The following RBFOX1 variants were observed in gnomAD, a reference collection of about 807,000 sequenced individuals.
The protein encoded by RBFOX1 is RNA binding fox-1 homolog 1.
In RBFOX1, 8 loss-of-function variants were observed where a neutral mutation model predicts 57.7. That is an observed-to-expected ratio of 0.14 (90% CI 0.08 to 0.25). The LOEUF (loss-of-function observed/expected upper bound fraction) is 0.25. Ranked by LOEUF, RBFOX1 falls within the 10% of genes least tolerant of loss-of-function variation. The pLI is 1.00. For missense variants in RBFOX1, 611 were observed against 548.5 expected (o/e 1.11, Z -1.14); for synonymous variants, 326 against 222.4 (o/e 1.47, Z -4.15).
At chr16:7,515,712 G>A (rs1567616094) in intron 4 of RBFOX1, among the ~76,000 whole-genome samples, 1 of 152,154 alleles carries the variant, frequency 6.6e-6, no homozygotes, top group Non-Finnish European at 1.5e-5. Context: ...GGGTAAAGCT[G>A]GATTCAACAC....
intron 3 of RBFOX1, among the ~76,000 whole-genome samples, chr16:7,012,611 G>C (rs1037754159): frequency 1.3e-5 from 2 of 152,132 alleles, no homozygotes; most frequent in African/African-American, 4.8e-5. Flanking sequence ...CATTGGAACA[G>C]AATTGTGCTC....
At chr16:6,602,522 A>G (rs924276793) in intron 2 of RBFOX1, among the ~76,000 whole-genome samples, 1 of 152,012 alleles carries the variant, frequency 6.6e-6, no homozygotes, top group South Asian at 2.1e-4. Context: ...GACCTCCAAG[A>G]GGTCTTGATG....
intron 2 of RBFOX1, among the ~76,000 whole-genome samples, chr16:5,516,798 C>G (rs1318573927): frequency 1.3e-5 from 2 of 152,102 alleles, no homozygotes; most frequent in Admixed American, 6.6e-5. Flanking sequence ...TCTCCTTTTG[C>G]TCGGCACTCA....
chr16:5,533,248 C>G (rs899077127), intron 2 of RBFOX1, among the ~76,000 whole-genome samples: 1 of 152,164 alleles, frequency 6.6e-6, no homozygotes, highest in African/African-American at 2.4e-5. Context: ...GCAATTCACA[C>G]AAGTGAAATT....
chr16:7,207,575 CA>C (rs144297415), intron 4 of RBFOX1, among the ~76,000 whole-genome samples: 2 of 152,154 alleles, frequency 1.3e-5, no homozygotes, highest in African/African-American at 4.8e-5. Flanking sequence ...GATCTTGCCA[CA>C]AAAAATAATG....
chr16:5,705,503 G>C (rs1013613786), intron 3 of RBFOX1, among the ~76,000 whole-genome samples: 2 of 152,142 alleles, frequency 1.3e-5, no homozygotes, highest in Non-Finnish European at 2.9e-5. Context: ...GCTCAAGCAA[G>C]GATCTCTCAG....
At position 6,135,785 on chromosome 16, in the gene RBFOX1, C is replaced by CTTT. The variant is rs35563303; in HGVS notation, c.-127+115818_-127+115820dup. 7.3e-4 allele frequency among the ~76,000 whole-genome samples: 62 copies of CTTT among 85,022 alleles called. 2 individuals are homozygous for CTTT. Among genetic ancestry groups the CTTT allele is most frequent in the South Asian group, 1.2e-3 (3 of 2,602 alleles). The allele number at this position is 85,022 out of a possible 152,430, so 55.8% of individuals were successfully genotyped here. ...TTCCTGGAGATGGCACTCGTTTCGACTTTTTTTTTTTTTTTTTTTTTTTTT... is the reference window on the plus strand; with the variant it reads ...TTCCTGGAGATGGCACTCGTTTCGACTTTTTTTTTTTTTTTTTTTTTTTTTTTT... On this transcript the variant is annotated intron_variant, in intron 1 of 15. Transcript: ENST00000550418.
chr16:7,603,476 C>T (rs1162605209), intron 9 of RBFOX1, among the ~76,000 whole-genome samples: 1 of 151,944 alleles, frequency 6.6e-6, no homozygotes. Flanking sequence ...AACGGCAATG[C>T]AGAAAATAAA....
chr16:7,518,906 C>T (rs1025941120), intron 5 of RBFOX1, among the ~76,000 whole-genome samples: 3 of 151,942 alleles, frequency 2.0e-5, no homozygotes, highest in Non-Finnish European at 4.4e-5. Context: ...GCCTGTAGTC[C>T]CAGCTACTTG....
intron 3 of RBFOX1, chr16:5,610,558 G>A (rs1454983291): frequency 6.6e-6 from 1 of 152,152 alleles, no homozygotes; most frequent in Non-Finnish European, 1.5e-5. Context: ...TGGGCACAGT[G>A]GCTTATGCTG....
intron 3 of RBFOX1, among the ~76,000 whole-genome samples, chr16:5,693,021 A>T (rs959751131): frequency 6.6e-6 from 1 of 152,162 alleles, no homozygotes; most frequent in Non-Finnish European, 1.5e-5. Flanking sequence ...CCAGCTCTGG[A>T]TGTCAACTGA....
At chr16:6,706,592 C>T (rs768948747) in intron 3 of RBFOX1, among the ~76,000 whole-genome samples, 2 of 152,090 alleles carry the variant, frequency 1.3e-5, no homozygotes, top group Non-Finnish European at 2.9e-5. Context: ...TGCCATTGCT[C>T]TAATAGAGTT....
chr16:7,023,205 G>A (rs1043032812), intron 3 of RBFOX1, among the ~76,000 whole-genome samples: 12 of 152,020 alleles, frequency 7.9e-5, no homozygotes, highest in South Asian at 6.2e-4. Flanking sequence ...GGCTGGGCAT[G>A]GTAGCTCATG....
intron 4 of RBFOX1, among the ~76,000 whole-genome samples, chr16:7,220,274 C>G (rs896750549): frequency 6.6e-6 from 1 of 152,192 alleles, no homozygotes; most frequent in Admixed American, 6.5e-5. Context: ...GCGTCTGGTC[C>G]TGCCCATTTT....
intron 3 of RBFOX1, among the ~76,000 whole-genome samples, chr16:6,994,297 T>C (rs8053231): frequency 0.75 from 113,337 of 152,098 alleles, 42,376 homozygotes; most frequent in East Asian, 0.8. Flanking sequence ...GAAGCCATCT[T>C]CATCTTAAAT....
chr16:7,168,060 G>T (rs773931091), intron 4 of RBFOX1, among the ~76,000 whole-genome samples: 1 of 152,158 alleles, frequency 6.6e-6, no homozygotes, highest in Non-Finnish European at 1.5e-5. Flanking sequence ...GGAAAAACAT[G>T]AAATGTTCCA....
intron 1 of RBFOX1, among the ~76,000 whole-genome samples, chr16:6,170,527 AAAAAAT>A (rs1314143731): frequency 6.6e-6 from 1 of 152,238 alleles, no homozygotes; most frequent in Non-Finnish European, 1.5e-5. Flanking sequence ...ATGTCAAAGC[AAAAAAT>A]AAAAATAAAA....
chr16:7,575,325 G>A (rs977498392), intron 5 of RBFOX1, among the ~76,000 whole-genome samples: 15 of 152,076 alleles, frequency 9.9e-5, no homozygotes, highest in African/African-American at 3.4e-4. Context: ...AGTAGAGACG[G>A]GGTTTCACCA....
In RBFOX1 at chr16:7,136,813, G is replaced by A. The variant is rs544979372; in HGVS notation, c.27+84715G>A. 3.3e-5 allele frequency among the ~76,000 whole-genome samples: 5 copies of A among 152,272 alleles called. No homozygotes were observed. The East Asian group carries it at 5.8e-4, about 18-fold the overall frequency. On this transcript the variant is annotated intron_variant, in intron 4 of 15. Transcript: ENST00000550418. Reference sequence around the variant, plus strand: ...CCAGGGCATTCTAAATTCTGATATGGCAACAAAAATCTCTGTACCAGAGGG... The same window carrying A: ...CCAGGGCATTCTAAATTCTGATATGACAACAAAAATCTCTGTACCAGAGGG...
Sources: allele counts gnomAD v4.1 joint callset (sites outside exome capture counted in the v4.1 genomes callset), GRCh38; gene constraint gnomAD v4.1.1; transcripts MANE v1.5; gene names NCBI Gene and HGNC (gene_info 2026-07-23, HGNC 2026-07-21).